Variants in PHGDH observed in about 807,000 individuals in gnomAD.
The protein encoded by PHGDH is phosphoglycerate dehydrogenase, also known as D-3-phosphoglycerate dehydrogenase.
PHGDH carries 50 observed loss-of-function variants against 52.6 expected under a neutral mutation model. The observed-to-expected ratio is 0.95, with a 90% CI of 0.76 to 1.20. PHGDH has a LOEUF of 1.20. PHGDH is among the 50% of genes most tolerant of loss of function. PHGDH has a pLI of 0.00. For synonymous variants in PHGDH, 271 were observed against 280.5 expected, an observed-to-expected ratio of 0.97 and a Z score of 0.34; for missense variants, 630 against 684.6, an observed-to-expected ratio of 0.92 and a Z score of 0.89.
chr1:119,721,216 A>T lies in PHGDH; in HGVS notation c.185A>T (p.Asp62Val). Residue 62 changes from aspartate (D) to valine (V), a missense_variant, in exon 2 of 12, where the codon GAT becomes GTT. By Grantham distance (152) the Asp-to-Val change is radical. Coordinates refer to ENST00000641023, the MANE Select transcript of PHGDH (RefSeq NM_006623.4). ...CGCTCTGCCACCAAGGTGACCGCTG[A>T]TGTCATCAACGCAGCTGAGAAACTC... ...IVRSATKVTA[D>V]VINAAEKLQV... 6.2e-7 allele frequency: 1 copy of T among 1,614,178 alleles called. No homozygotes were observed. The highest frequency in any genetic ancestry group is 8.5e-7 in the Non-Finnish European group (1 of 1,180,016).
In PHGDH at chr1:119,744,189, AC is replaced by A; in HGVS notation, c.*151del. The stretch of plus-strand genomic sequence containing the variant: ...ACTCTGACCCTGTAGTACAGCAATA[AC>A]CGTCTAATAAAGAGCCTACCCCCAA... On this transcript the variant is annotated 3_prime_UTR_variant, in exon 12 of 12. Coordinates refer to ENST00000641023, the MANE Select transcript of PHGDH (RefSeq NM_006623.4). 1 of 751,978 alleles carries A rather than the reference AC, an allele frequency of 1.3e-6. No homozygotes were observed. Among genetic ancestry groups the A allele is most frequent in the South Asian group, 1.5e-5 (1 of 68,916 alleles). 46.6% of individuals were successfully genotyped at this position (751,978 alleles called of 1,614,324 possible). A position where few individuals can be genotyped will look rare whatever the true frequency, so the allele number is the denominator to read the frequency against.
intron 6 of PHGDH, 79 bp from the exon 7 acceptor site, chr1:119,735,216 G>C (rs768505810): frequency 8.8e-6 from 14 of 1,587,198 alleles, no homozygotes; most frequent in Non-Finnish European, 1.2e-5. Flanking sequence ...CTCAAGGAAA[G>C]GGAAGACCTC....
intron 5 of PHGDH, among the ~76,000 whole-genome samples, chr1:119,728,459 G>C (rs915481525): frequency 8.5e-5 from 13 of 152,164 alleles, no homozygotes; most frequent in African/African-American, 2.9e-4. Context: ...TGATATGATT[G>C]TAGAGCCTAT....
At chr1:119,725,031 G>T (rs1188741261) in intron 3 of PHGDH, 2 of 456,206 alleles carry the variant, frequency 4.4e-6, no homozygotes, top group African/African-American at 4.0e-5. Flanking sequence ...GCGTGGCTGG[G>T]CCTCACAGTA....
intron 1 of PHGDH, 140 bp downstream of exon 1, chr1:119,712,300 AGAACG>A: frequency 1.5e-6 from 1 of 672,528 alleles, no homozygotes; most frequent in Non-Finnish European, 2.6e-6. Context: ...GGGGTAGAGA[AGAACG>A]GGGGCGGGAG....
In PHGDH at chr1:119,726,835, G is replaced by A. The variant is rs1042069738; in HGVS notation, c.357-16G>A. 2 of 1,612,454 alleles carry A rather than the reference G, an allele frequency of 1.2e-6. No individual in the cohort carries two copies. Among genetic ancestry groups the A allele is most frequent in the African/African-American group, 2.7e-5 (2 of 74,896 alleles). On this transcript the variant is annotated splice_polypyrimidine_tract_variant and intron_variant, in intron 3 of 11. Transcript: ENST00000641023. Reference sequence around the variant, plus strand: ...GAGTCCGAATGGACCCTCTGAACCTGTGTCTATCCTTGCAGGCAGATTCCC... The same window carrying A: ...GAGTCCGAATGGACCCTCTGAACCTATGTCTATCCTTGCAGGCAGATTCCC...
Position 119,743,001 on chromosome 1 carries a change from C to A in PHGDH, c.1404C>A (p.Phe468Leu). The change falls in exon 11 of 12, where the codon TTC (phenylalanine) becomes TTA (leucine). Residue 468 changes from phenylalanine to leucine, a missense_variant. Coordinates refer to ENST00000641023, the MANE Select transcript of PHGDH (RefSeq NM_006623.4). ...PLRRDLPLLL[F>L]RTQTSDPAML... is the part of the protein sequence containing the mutation. ...GCAGGGACCTGCCCCTGCTCCTATT[C>A]CGGACTCAGACCTCTGACCCTGCAA... 1 of 1,613,924 alleles carries A rather than the reference C, an allele frequency of 6.2e-7. No individual in the cohort carries two copies. Among genetic ancestry groups the A allele is most frequent in the South Asian group, 1.1e-5 (1 of 91,086 alleles).
At position 119,743,003 on chromosome 1, in the gene PHGDH, G is replaced by A. The variant is rs139764141; in HGVS notation, c.1406G>A (p.Arg469Gln). The change falls in exon 11 of 12, where the codon CGG becomes CAG. Residue 469 changes from arginine (R) to glutamine (Q), a missense_variant. Arg to Gln is a conservative substitution (Grantham distance 43, BLOSUM62 1). Coordinates refer to ENST00000641023, the MANE Select transcript of PHGDH (RefSeq NM_006623.4). ...LRRDLPLLLF[R>Q]TQTSDPAMLP... is the part of the protein sequence containing the mutation. Reference sequence around the variant, plus strand: ...AGGGACCTGCCCCTGCTCCTATTCCGGACTCAGACCTCTGACCCTGCAATG... The same window carrying A: ...AGGGACCTGCCCCTGCTCCTATTCCAGACTCAGACCTCTGACCCTGCAATG... 6.3e-5 allele frequency: 102 copies of A among 1,613,732 alleles called. No individual in the cohort carries two copies. The highest frequency in any genetic ancestry group is 8.0e-5 in the Non-Finnish European group (94 of 1,179,718).
In PHGDH at chr1:119,721,369, G is replaced by A. The variant is rs587691829; in HGVS notation, c.290+48G>A. 1.3e-4 allele frequency: 205 copies of A among 1,581,996 alleles called. 1 individual carries two copies. The Admixed American group carries it at 1.8e-3, about 14-fold the overall frequency. ...GGTTTGGGGGTAGGGGGGTGAGTGC[G>A]GAGACTGACCACACCTAGGGAGAAA... On this transcript the variant is annotated intron_variant, in intron 2 of 11. Transcript: ENST00000641023.
At chr1:119,713,888 G>A (rs1323156151) in intron 1 of PHGDH, among the ~76,000 whole-genome samples, 1 of 152,152 alleles carries the variant, frequency 6.6e-6, no homozygotes, top group Admixed American at 6.5e-5. Flanking sequence ...GGGCAGAATT[G>A]AGAGGAATGG....
chr1:119,743,846 C>G (rs1356828301), intron 11 of PHGDH, 40 bp from the exon 12 acceptor site: 21 of 1,563,758 alleles, frequency 1.3e-5, no homozygotes, highest in African/African-American at 1.3e-5. Context: ...TCCTTTTTCC[C>G]CTATCCCCTG....
intron 1 of PHGDH, among the ~76,000 whole-genome samples, chr1:119,717,232 CAAAAAAAAAAA>C (rs58549149): frequency 9.6e-4 from 36 of 37,354 alleles, no homozygotes; most frequent in African/African-American, 3.0e-3. Flanking sequence ...AACTCTGTCT[CAAAAAAAAAAA>C]AAAAAAAAAA....
chr1:119,724,682 AG>A (rs1557970115), intron 3 of PHGDH: 5 of 391,868 alleles, frequency 1.3e-5, no homozygotes, highest in Non-Finnish European at 2.5e-5. Flanking sequence ...TTTTTGAGTA[AG>A]GGAAAAGATC....
intron 1 of PHGDH, 63 bp downstream of exon 1, chr1:119,712,223 G>A: frequency 6.7e-7 from 1 of 1,484,486 alleles, no homozygotes; most frequent in Admixed American, 1.8e-5. Context: ...GGCTGGCTGC[G>A]CCCAGGCCAG....
intron 6 of PHGDH, 74 bp downstream of exon 6, chr1:119,734,840 C>T (rs754067673): frequency 2.0e-6 from 3 of 1,515,660 alleles, no homozygotes; most frequent in African/African-American, 2.7e-5. Flanking sequence ...TCCATCTGGG[C>T]CTTCCCCAGA....
At chr1:119,712,210 A>G (rs587709994) in intron 1 of PHGDH, 50 bp downstream of exon 1, 1 of 1,573,720 alleles carries the variant, frequency 6.4e-7, no homozygotes, top group Non-Finnish European at 8.7e-7. Context: ...CTCCATGGAA[A>G]AAGGCTGGCT....
At chr1:119,718,810 T>A (rs904671580) in intron 1 of PHGDH, among the ~76,000 whole-genome samples, 3 of 152,156 alleles carry the variant, frequency 2.0e-5, no homozygotes, top group African/African-American at 7.2e-5. Flanking sequence ...AGTTTTAATA[T>A]AAAATCCCTG....
At chr1:119,716,971 A>G (rs1215042035) in intron 1 of PHGDH, among the ~76,000 whole-genome samples, 1 of 152,188 alleles carries the variant, frequency 6.6e-6, no homozygotes, top group Non-Finnish European at 1.5e-5. Context: ...TTTCCTTGAT[A>G]TCTAGCGTTG....
At chr1:119,731,189 T>C (rs1450042210) in intron 5 of PHGDH, among the ~76,000 whole-genome samples, 2 of 152,198 alleles carry the variant, frequency 1.3e-5, no homozygotes, top group Non-Finnish European at 2.9e-5. Flanking sequence ...AAAAGAAGTA[T>C]GGCTTCCGGA....
Sources: allele counts gnomAD v4.1 joint callset (sites outside exome capture counted in the v4.1 genomes callset), GRCh38; gene constraint gnomAD v4.1.1; transcripts MANE v1.5; gene names NCBI Gene and HGNC (gene_info 2026-07-23, HGNC 2026-07-21).